EPG5: variants seen among roughly 807,000 people sequenced by gnomAD.
EPG5 encodes the protein ectopic P-granules 5 autophagy tethering factor, also known as ectopic P granules protein 5 homolog.
EPG5 carries 159 observed loss-of-function variants against 302.7 expected under a neutral mutation model. The ratio of observed to expected loss-of-function variants is 0.53; its 90% CI spans 0.46 to 0.60. The LOEUF (loss-of-function observed/expected upper bound fraction) is 0.60. Among genes scored for constraint, EPG5 ranks in the 20% least tolerant of loss-of-function variants. EPG5 has a pLI of 0.00. For missense variants in EPG5, 2,896 were observed against 3,092.4 expected (o/e 0.94, Z 1.51); for synonymous variants, 1,158 against 1,136.8 (o/e 1.02, Z -0.37).
the EPG5 span, among the ~76,000 whole-genome samples, chr18:45,838,270 C>G: frequency 6.6e-6 from 1 of 152,158 alleles, no homozygotes; most frequent in African/African-American, 2.4e-5. Context: ...CTCGCAGCCC[C>G]TCTACCCAGG....
chr18:45,813,474 T>G, the EPG5 span, among the ~76,000 whole-genome samples: 10 of 152,208 alleles, frequency 6.6e-5, no homozygotes, highest in African/African-American at 2.4e-4. Flanking sequence ...CACGTATGTT[T>G]ATTGCAGCAC....
At chr18:45,922,633 T>C (rs1242031541) in intron 15 of EPG5, 33 bp from the exon 16 acceptor site, 1 of 1,607,826 alleles carries the variant, frequency 6.2e-7, no homozygotes, top group Non-Finnish European at 8.5e-7. Flanking sequence ...GCCACATTAG[T>C]CACACACAAA....
Position 45,910,557 on chromosome 18 carries a change from T to TAAC in EPG5, c.4166_4168dup (p.Gly1389_Tyr1390insCys), listed in dbSNP as rs778632095. 6.2e-7 allele frequency: 1 copy of TAAC among 1,612,844 alleles called. No homozygotes were observed. Among genetic ancestry groups the TAAC allele is most frequent in the Non-Finnish European group, 8.5e-7 (1 of 1,179,594 alleles). Reference sequence around the variant, plus strand: ...CTTGTGCAGTTCTGGTGAAGTCAGGTAACCAGGGGTGCCAGAGTGGCTCTC... The same window carrying TAAC: ...CTTGTGCAGTTCTGGTGAAGTCAGGTAACAACCAGGGGTGCCAGAGTGGCTCTC... On this transcript the variant is annotated inframe_insertion, in exon 23 of 44. Transcript: ENST00000282041.
chr18:45,857,877 C>A lies in EPG5; in HGVS notation c.7418G>T (p.Gly2473Val). 1 of 1,612,202 alleles carries A rather than the reference C, an allele frequency of 6.2e-7. No individual in the cohort carries two copies. Among genetic ancestry groups the A allele is most frequent in the Non-Finnish European group, 8.5e-7 (1 of 1,180,014 alleles). The change falls in exon 42 of 44, where the codon GGC becomes GTC. Residue 2473 changes from glycine (G) to valine (V), a missense_variant. Physicochemically the swap from Gly to Val is moderately radical, Grantham distance 109. Coordinates refer to ENST00000282041, the MANE Select transcript of EPG5 (RefSeq NM_020964.3). ...SSGILGAIGF[G>V]RKSPLSNRFR... ...CCTGTTAGACAAAGGCGACTTCCGGCCAAACCCAATTGCCCCCAGGATCCC... is the reference window on the plus strand; with the variant it reads ...CCTGTTAGACAAAGGCGACTTCCGGACAAACCCAATTGCCCCCAGGATCCC...
intron 39 of EPG5, among the ~76,000 whole-genome samples, chr18:45,861,534 A>G (rs957206531): frequency 2.0e-5 from 3 of 152,150 alleles, no homozygotes; most frequent in African/African-American, 7.2e-5. Context: ...TTCCCTGGCC[A>G]GCTATTATTC....
rs1474489039 is a variant in EPG5, at chr18:45,959,583, T to A, written c.64-4245A>T. On this transcript the variant is annotated intron_variant, in intron 1 of 43. Coordinates refer to ENST00000282041, the MANE Select transcript of EPG5 (RefSeq NM_020964.3). ...ATCACTTGAACCTGGGAGGCGGAGG[T>A]TGCAGTGAGCCAAGATCGCACCACT... Among the ~76,000 whole-genome samples, 6 of 150,552 alleles carry A rather than the reference T, an allele frequency of 4.0e-5. No homozygotes were observed. In the East Asian group the frequency reaches 1.2e-3, roughly 29 times the overall value.
intron 1 of EPG5, among the ~76,000 whole-genome samples, chr18:45,957,949 C>T (rs1416701553): frequency 6.6e-6 from 1 of 152,222 alleles, no homozygotes; most frequent in Non-Finnish European, 1.5e-5. Context: ...CCAGGTTATA[C>T]ACCTGGCTCC....
chr18:45,904,084 T>A lies in EPG5; in HGVS notation c.4363A>T (p.Ile1455Phe), dbSNP rs1174912014. 6.2e-7 allele frequency: 1 copy of A among 1,612,670 alleles called. No homozygotes were observed. Among genetic ancestry groups the A allele is most frequent in the Non-Finnish European group, 8.5e-7 (1 of 1,179,782 alleles). The change falls in exon 25 of 44, where the codon ATC (isoleucine) becomes TTC (phenylalanine). Residue 1455 changes from isoleucine (I) to phenylalanine (F), a missense_variant. By Grantham distance (21) the Ile-to-Phe change is conservative. Coordinates refer to ENST00000282041, the MANE Select transcript of EPG5 (RefSeq NM_020964.3). ...LWMEYLNMER[I>F]YHEFQETVGL... ...ACAGTCTCCTGAAACTCATGATAGA[T>A]GCGCTCCATGTTCAAATACTCCATC...
chr18:45,828,157 CGT>C, the EPG5 span, among the ~76,000 whole-genome samples: 4 of 152,198 alleles, frequency 2.6e-5, no homozygotes, highest in Admixed American at 2.6e-4. Flanking sequence ...GCTCCACCAC[CGT>C]GTGTGCACCA....
At chr18:45,820,721 G>A in the EPG5 span, among the ~76,000 whole-genome samples, 6 of 152,208 alleles carry the variant, frequency 3.9e-5, no homozygotes, top group Non-Finnish European at 7.4e-5. Flanking sequence ...AAGCTCCCCA[G>A]AAACAATCCT....
At chr18:45,948,027 G>A (rs184093214) in intron 6 of EPG5, among the ~76,000 whole-genome samples, 4 of 152,056 alleles carry the variant, frequency 2.6e-5, no homozygotes, top group Admixed American at 1.3e-4. Flanking sequence ...CACCTGCCTC[G>A]GCCTCCCAAA....
At chr18:45,859,836 G>A (rs2048593447) in intron 40 of EPG5, among the ~76,000 whole-genome samples, 1 of 152,212 alleles carries the variant, frequency 6.6e-6, no homozygotes, top group African/African-American at 2.4e-5. Context: ...AGGTTGGTCT[G>A]ACCCTCCAAA....
chr18:45,892,236 T>G (rs1260481885), intron 27 of EPG5, among the ~76,000 whole-genome samples: 1 of 152,222 alleles, frequency 6.6e-6, no homozygotes, highest in African/African-American at 2.4e-5. Flanking sequence ...TTATTATTAT[T>G]TTCTAGTCTA....
chr18:45,881,078 C>A (rs1014608398), intron 31 of EPG5, among the ~76,000 whole-genome samples: 4 of 152,150 alleles, frequency 2.6e-5, no homozygotes, highest in Non-Finnish European at 4.4e-5. Context: ...AAAGGATGCT[C>A]CCAAGGGAAC....
chr18:45,829,112 G>A, the EPG5 span: 1 of 985,674 alleles, frequency 1.0e-6, no homozygotes, highest in Non-Finnish European at 1.2e-6. Flanking sequence ...GGACTCTGAA[G>A]AGCAGCACTC....
chr18:45,960,510 TAA>T (rs2051126309), intron 1 of EPG5, among the ~76,000 whole-genome samples: 1 of 151,000 alleles, frequency 6.6e-6, no homozygotes, highest in Non-Finnish European at 1.5e-5. Context: ...GATCTCCACA[TAA>T]GTTACATACA....
the EPG5 span, among the ~76,000 whole-genome samples, chr18:45,805,304 T>C: frequency 0.76 from 114,484 of 151,598 alleles, 44,478 homozygotes; most frequent in African/African-American, 0.93. Context: ...ATGAATGTAC[T>C]GTGATAATGT....
intron 14 of EPG5, among the ~76,000 whole-genome samples, chr18:45,923,781 C>T (rs558536097): frequency 6.6e-5 from 10 of 152,304 alleles, no homozygotes; most frequent in African/African-American, 2.4e-4. Context: ...GTAATCCCAG[C>T]ACTTTGGGAA....
At chr18:45,842,075 G>A in the EPG5 span, 2 of 1,607,898 alleles carry the variant, frequency 1.2e-6, no homozygotes. Flanking sequence ...CCACCTGTTT[G>A]GATGATCATT....
Sources: gnomAD v4.1 joint callset for allele counts (sites outside exome capture counted in the v4.1 genomes callset) on GRCh38, gnomAD v4.1.1 for gene constraint, MANE v1.5 for transcripts, NCBI Gene and HGNC (gene_info 2026-07-23, HGNC 2026-07-21) for gene names.